FRMD5: variants seen among roughly 807,000 people sequenced by gnomAD.
The protein encoded by FRMD5 is FERM domain-containing protein 5.
In FRMD5, 20 loss-of-function variants were observed where a neutral mutation model predicts 69.0. The ratio of observed to expected loss-of-function variants is 0.29; its 90% CI spans 0.20 to 0.42. The LOEUF (loss-of-function observed/expected upper bound fraction) is 0.42, where lower values mean the gene tolerates loss of function less well. Among genes scored for constraint, FRMD5 ranks in the 10% least tolerant of loss-of-function variants. The pLI is 1.00. For missense variants in FRMD5, 595 were observed against 708.6 expected, an observed-to-expected ratio of 0.84 and a Z score of 1.82; for synonymous variants, 271 against 260.1, an observed-to-expected ratio of 1.04 and a Z score of -0.40.
rs578105932 is a variant in FRMD5, at chr15:44,004,063, A to C, written c.103-79754T>G. ...ATTTTGGCAGCATGGTTTGACTAAA[A>C]ATTTTCTGTAAAACAATTTGATTTT... On this transcript the variant is annotated intron_variant, in intron 1 of 13. Coordinates refer to ENST00000417257, the MANE Select transcript of FRMD5 (RefSeq NM_032892.5). Among the ~76,000 whole-genome samples the C allele has an allele frequency of 1.2e-4, 18 of 152,356 alleles. No individual in the cohort carries two copies. The South Asian group carries it at 3.7e-3, about 32-fold the overall frequency.
chr15:44,124,854 A>C (rs562928938), intron 1 of FRMD5, among the ~76,000 whole-genome samples: 1 of 152,322 alleles, frequency 6.6e-6, no homozygotes, highest in South Asian at 2.1e-4. Flanking sequence ...AATTAAGAAC[A>C]TATCCAGAAG....
intron 4 of FRMD5, among the ~76,000 whole-genome samples, chr15:43,911,297 C>T (rs1566830286): frequency 1.3e-5 from 2 of 152,330 alleles, no homozygotes; most frequent in Non-Finnish European, 2.9e-5. Flanking sequence ...TAGAATAAAG[C>T]ATGAGTGAGT....
At chr15:44,179,605 G>GA (rs1254297954) in intron 1 of FRMD5, among the ~76,000 whole-genome samples, 3 of 152,112 alleles carry the variant, frequency 2.0e-5, no homozygotes, top group Non-Finnish European at 2.9e-5. Context: ...TCTTTAAAAG[G>GA]AACATCTGTA....
At chr15:43,877,303 G>A (rs1031659920) in intron 13 of FRMD5, among the ~76,000 whole-genome samples, 2 of 152,158 alleles carry the variant, frequency 1.3e-5, no homozygotes, top group Non-Finnish European at 2.9e-5. Flanking sequence ...GGAGTTTTTT[G>A]GTTCAGGGCT....
At chr15:44,123,445 G>A (rs2076983822) in intron 1 of FRMD5, among the ~76,000 whole-genome samples, 1 of 152,114 alleles carries the variant, frequency 6.6e-6, no homozygotes. Flanking sequence ...AAACAAGCTG[G>A]AAATCAATAG....
At chr15:43,878,001 T>C (rs1224560527) in intron 13 of FRMD5, among the ~76,000 whole-genome samples, 1 of 152,190 alleles carries the variant, frequency 6.6e-6, no homozygotes, top group Non-Finnish European at 1.5e-5. Context: ...GTTATAATTT[T>C]TTTAAAGTTC....
At chr15:44,001,102 C>T (rs943648868) in intron 1 of FRMD5, among the ~76,000 whole-genome samples, 16 of 152,188 alleles carry the variant, frequency 1.1e-4, no homozygotes, top group Admixed American at 2.0e-4. Flanking sequence ...GCCATTCTAA[C>T]GTGTTTGAAG....
chr15:44,076,768 TATA>T (rs2140431311), intron 1 of FRMD5, among the ~76,000 whole-genome samples: 1 of 151,082 alleles, frequency 6.6e-6, no homozygotes, highest in African/African-American at 2.4e-5. Context: ...AAACTTAAAT[TATA>T]ATAATAAAAA....
chr15:43,919,239 C>A, intron 4 of FRMD5: 1 of 687,620 alleles, frequency 1.5e-6, no homozygotes, highest in Non-Finnish European at 2.7e-6. Flanking sequence ...AGGTAGTATT[C>A]ACACTTCTTG....
chr15:43,959,081 C>G (rs2090158270), intron 1 of FRMD5, among the ~76,000 whole-genome samples: 1 of 152,204 alleles, frequency 6.6e-6, no homozygotes, highest in Admixed American at 6.5e-5. Flanking sequence ...ACTGTGCTTT[C>G]TTACAAATTC....
At chr15:43,937,836 T>A (rs2089787963) in intron 1 of FRMD5, among the ~76,000 whole-genome samples, 1 of 152,036 alleles carries the variant, frequency 6.6e-6, no homozygotes, top group Non-Finnish European at 1.5e-5. Context: ...GCCAAGTCTT[T>A]TATAAGCTTG....
intron 1 of FRMD5, among the ~76,000 whole-genome samples, chr15:44,110,509 A>G (rs957504374): frequency 1.3e-5 from 2 of 152,240 alleles, no homozygotes; most frequent in African/African-American, 2.4e-5. Context: ...AGGACTTCAT[A>G]TATTTCACAA....
At chr15:44,179,404 ATAATTGACAAAC>A (rs1455544904) in intron 1 of FRMD5, among the ~76,000 whole-genome samples, 1 of 152,266 alleles carries the variant, frequency 6.6e-6, no homozygotes, top group African/African-American at 2.4e-5. Context: ...CTATTCCATT[ATAATTGACAAAC>A]TAAGATTCTG....
intron 1 of FRMD5, among the ~76,000 whole-genome samples, chr15:44,080,927 A>G (rs903357971): frequency 6.6e-6 from 1 of 152,122 alleles, no homozygotes; most frequent in African/African-American, 2.4e-5. Context: ...CGACTAGGCC[A>G]TAATGCCTAT....
At chr15:44,084,427 G>A (rs1434999716) in intron 1 of FRMD5, among the ~76,000 whole-genome samples, 1 of 151,964 alleles carries the variant, frequency 6.6e-6, no homozygotes, top group Non-Finnish European at 1.5e-5. Flanking sequence ...TACTATTATT[G>A]TTGGAGAGTT....
At chr15:43,965,115 G>A (rs1395398797) in intron 1 of FRMD5, among the ~76,000 whole-genome samples, 1 of 152,156 alleles carries the variant, frequency 6.6e-6, no homozygotes, top group Non-Finnish European at 1.5e-5. Flanking sequence ...GGATTCCAGC[G>A]ATATTTAGCT....
intron 1 of FRMD5, among the ~76,000 whole-genome samples, chr15:43,996,099 G>C (rs1479037492): frequency 6.6e-6 from 1 of 152,104 alleles, no homozygotes; most frequent in African/African-American, 2.4e-5. Flanking sequence ...TTAAAGCCTG[G>C]GGTTGTGTGG....
intron 1 of FRMD5, among the ~76,000 whole-genome samples, chr15:43,948,019 G>T (rs1383655044): frequency 6.6e-6 from 1 of 152,080 alleles, no homozygotes; most frequent in African/African-American, 2.4e-5. Flanking sequence ...TCTGTGTCAG[G>T]TACTGTGTTA....
intron 1 of FRMD5, among the ~76,000 whole-genome samples, chr15:44,188,752 G>A (rs1428427215): frequency 6.6e-6 from 1 of 151,942 alleles, no homozygotes; most frequent in African/African-American, 2.4e-5. Flanking sequence ...ACTCAAATGA[G>A]GCATAAGAAT....
Sources: gnomAD v4.1 joint callset for allele counts (sites outside exome capture counted in the v4.1 genomes callset) on GRCh38, gnomAD v4.1.1 for gene constraint, MANE v1.5 for transcripts, NCBI Gene and HGNC (gene_info 2026-07-23, HGNC 2026-07-21) for gene names.